The following GPR139 variants were observed in gnomAD, a reference collection of about 807,000 sequenced individuals.
The protein encoded by GPR139 is probable G protein-coupled receptor 139.
In GPR139, 12 loss-of-function variants were observed where a neutral mutation model predicts 25.8. That is an observed-to-expected ratio of 0.47 (90% CI 0.30 to 0.75). The LOEUF (loss-of-function observed/expected upper bound fraction) is 0.75, where lower values mean the gene tolerates loss of function less well. Ranked by LOEUF, GPR139 falls within the 30% of genes least tolerant of loss-of-function variation. The probability of loss-of-function intolerance (pLI) is 0.07; values close to 1 mark genes in which losing one functional copy is unlikely to be tolerated. For missense variants in GPR139, 380 were observed against 450.2 expected (o/e 0.84, Z 1.41); for synonymous variants, 184 against 179.9 (o/e 1.02, Z -0.18).
rs1205828938 is a variant in GPR139 at position 20,052,505 on chromosome 16, A to G, written c.128-19836T>C. 3.3e-5 allele frequency among the ~76,000 whole-genome samples: 5 copies of G among 152,234 alleles called. No homozygotes were observed. In the East Asian group the frequency reaches 9.6e-4, roughly 29 times the overall value. Reference sequence around the variant, plus strand: ...AGAAGGGAAGTAATCTTTATAATAAAAAATAATAGCGGCTGGGCGCGGTGG... The same window carrying G: ...AGAAGGGAAGTAATCTTTATAATAAGAAATAATAGCGGCTGGGCGCGGTGG... On this transcript the variant is annotated intron_variant, in intron 1 of 1. Transcript: ENST00000570682.
At chr16:20,059,721 A>C (rs1437595445) in intron 1 of GPR139, among the ~76,000 whole-genome samples, 1 of 152,200 alleles carries the variant, frequency 6.6e-6, no homozygotes, top group Non-Finnish European at 1.5e-5. Context: ...GGCACATGAC[A>C]GGGGCTCATG....
At position 20,031,348 on chromosome 16, in the gene GPR139, A is replaced by T; in HGVS notation, c.*387T>A. ...TCGGAAGAAGAGTGCAGGCTCAGCT[A>T]TGTGCTACTGGGGCTTGGTAAGTCC... is the stretch of plus-strand genomic sequence containing the variant. On this transcript the variant is annotated 3_prime_UTR_variant, in exon 2 of 2. Transcript: ENST00000570682. 1 of 223,646 alleles carries T rather than the reference A, an allele frequency of 4.5e-6. No individual in the cohort carries two copies. The highest frequency in any genetic ancestry group is 8.9e-6 in the Non-Finnish European group (1 of 112,914). 13.9% of individuals were successfully genotyped at this position (223,646 alleles called of 1,614,324 possible).
intron 1 of GPR139, among the ~76,000 whole-genome samples, chr16:20,044,589 A>G (rs2057347427): frequency 6.6e-6 from 1 of 152,186 alleles, no homozygotes; most frequent in Admixed American, 6.5e-5. Flanking sequence ...GCGTGAAAGA[A>G]GAGATCCCTA....
intron 1 of GPR139, among the ~76,000 whole-genome samples, chr16:20,057,641 C>T (rs1191578083): frequency 1.3e-5 from 2 of 151,912 alleles, no homozygotes; most frequent in Non-Finnish European, 2.9e-5. Flanking sequence ...TCCATCCATC[C>T]AATACCTACC....
intron 1 of GPR139, among the ~76,000 whole-genome samples, chr16:20,058,999 A>G (rs2057401182): frequency 6.6e-6 from 1 of 152,084 alleles, no homozygotes; most frequent in Non-Finnish European, 1.5e-5. Context: ...TGGGCTGTCT[A>G]TATTTTATGT....
intron 1 of GPR139, among the ~76,000 whole-genome samples, chr16:20,058,481 G>T (rs1312746160): frequency 1.3e-5 from 2 of 152,138 alleles, no homozygotes; most frequent in Non-Finnish European, 2.9e-5. Context: ...CTTTGTGTTG[G>T]TGGAGGGAAT....
chr16:20,032,435 G>T lies in GPR139; in HGVS notation c.362C>A (p.Pro121Gln), dbSNP rs761281280. 1 of 1,614,146 alleles carries T rather than the reference G, an allele frequency of 6.2e-7. No individual in the cohort carries two copies. The highest frequency in any genetic ancestry group is 1.1e-5 in the South Asian group (1 of 91,076). The stretch of plus-strand genomic sequence containing the variant: ...AGCGATATACCTGTCAATGGTTAAC[G>T]GTACAGTAATCCATATGGAGGTGTG... Reference protein sequence around the residue: ...SIHTSIWITVPLTIDRYIAVC... With the variant: ...SIHTSIWITVQLTIDRYIAVC... The change falls in exon 2 of 2, where the codon CCG (proline) becomes CAG (glutamine). Residue 121 changes from proline (P) to glutamine (Q), a missense_variant. Coordinates refer to ENST00000570682, the MANE Select transcript of GPR139 (RefSeq NM_001002911.4).
In GPR139 at chr16:20,050,368, C is replaced by T. The variant is rs142070519; in HGVS notation, c.128-17699G>A. Among the ~76,000 whole-genome samples, 43 of 152,256 alleles carry T rather than the reference C, an allele frequency of 2.8e-4. No individual in the cohort carries two copies. The East Asian group carries it at 6.6e-3, about 23-fold the overall frequency. On this transcript the variant is annotated intron_variant, in intron 1 of 1. Coordinates refer to ENST00000570682, the MANE Select transcript of GPR139 (RefSeq NM_001002911.4). ...TCAGCATAGAATAGAGGTCACAGACCGACTGCTTGTGGGGTGCATTCTTTG... is the reference window on the plus strand; with the variant it reads ...TCAGCATAGAATAGAGGTCACAGACTGACTGCTTGTGGGGTGCATTCTTTG...
At chr16:20,060,982 C>T (rs1351210940) in intron 1 of GPR139, among the ~76,000 whole-genome samples, 4 of 152,114 alleles carry the variant, frequency 2.6e-5, no homozygotes, top group Non-Finnish European at 1.5e-5. Context: ...TCTCACAGCA[C>T]CAAGTAGCTC....
At chr16:20,045,149 G>A (rs936074724) in intron 1 of GPR139, among the ~76,000 whole-genome samples, 1 of 151,954 alleles carries the variant, frequency 6.6e-6, no homozygotes, top group Non-Finnish European at 1.5e-5. Flanking sequence ...ACAGGCATCT[G>A]CCACCACGCT....
rs1014006036 is a variant in GPR139, at chr16:20,028,976, T to TA, written c.*2758dup. Among the ~76,000 whole-genome samples the TA allele has an allele frequency of 7.9e-5, 12 of 151,902 alleles. No individual in the cohort carries two copies. Among genetic ancestry groups the TA allele is most frequent in the East Asian group, 1.9e-4 (1 of 5,164 alleles). ...TTACAAGTTTTTAAAGTTTTAAAGTTAAAAAAAACCCATTTCATGATGTCC... is the reference window on the plus strand; with the variant it reads ...TTACAAGTTTTTAAAGTTTTAAAGTTAAAAAAAAACCCATTTCATGATGTCC... On this transcript the variant is annotated 3_prime_UTR_variant, in exon 2 of 2. Coordinates refer to ENST00000570682, the MANE Select transcript of GPR139 (RefSeq NM_001002911.4).
At chr16:20,067,264 G>T (rs2141215550) in intron 1 of GPR139, among the ~76,000 whole-genome samples, 1 of 152,290 alleles carries the variant, frequency 6.6e-6, no homozygotes, top group African/African-American at 2.4e-5. Context: ...CTATGCTCAT[G>T]TCCTGTCCAT....
At chr16:20,067,996 T>C (rs1225010251) in intron 1 of GPR139, among the ~76,000 whole-genome samples, 1 of 151,570 alleles carries the variant, frequency 6.6e-6, no homozygotes, top group Non-Finnish European at 1.5e-5. Flanking sequence ...ATGTGCTCAT[T>C]TTAGGGACAG....
At position 20,030,659 on chromosome 16, in the gene GPR139, T is replaced by C. The variant is rs2141198461; in HGVS notation, c.*1076A>G. 6.6e-6 allele frequency among the ~76,000 whole-genome samples: 1 copy of C among 152,384 alleles called. No homozygotes were observed. Among genetic ancestry groups the C allele is most frequent in the Non-Finnish European group, 1.5e-5 (1 of 68,046 alleles). On this transcript the variant is annotated 3_prime_UTR_variant, in exon 2 of 2. Coordinates refer to ENST00000570682, the MANE Select transcript of GPR139 (RefSeq NM_001002911.4). ...GGCGTCAGCATGGGCACCTTTTGTG[T>C]CTGCGTTTGTGGCGAAATGGCAGCG...
chr16:20,045,454 G>T (rs1054242281), intron 1 of GPR139, among the ~76,000 whole-genome samples: 1 of 152,206 alleles, frequency 6.6e-6, no homozygotes, highest in African/African-American at 2.4e-5. Context: ...AAAACAATTT[G>T]TTAGACTCTA....
rs2057466585 is a variant in GPR139 at position 20,073,262 on chromosome 16, A to G, written c.127+228T>C. On this transcript the variant is annotated intron_variant, in intron 1 of 1. Transcript: ENST00000570682. This position sits in a 1 kb window ranked among gnomAD's most constrained non-coding sequence, Gnocchi z 4.7. ...CCGCCGTCACAGTCATCACACACACACACACACACACACACACGCTCGCGC... is the reference window on the plus strand; with the variant it reads ...CCGCCGTCACAGTCATCACACACACGCACACACACACACACACGCTCGCGC... Among the ~76,000 whole-genome samples the G allele has an allele frequency of 1.4e-5, 2 of 143,868 alleles. 1 individual carries two copies. Among genetic ancestry groups the G allele is most frequent in the East Asian group, 4.2e-4 (2 of 4,718 alleles). 94.4% of individuals were successfully genotyped at this position (143,868 alleles called of 152,430 possible).
intron 1 of GPR139, among the ~76,000 whole-genome samples, chr16:20,045,769 C>G (rs2057352383): frequency 1.3e-5 from 2 of 152,144 alleles, no homozygotes; most frequent in Non-Finnish European, 2.9e-5. Flanking sequence ...CTGCCCATTG[C>G]CCCTTTTCAA....
At chr16:20,037,340 T>G (rs1216992168) in intron 1 of GPR139, among the ~76,000 whole-genome samples, 2 of 151,336 alleles carry the variant, frequency 1.3e-5, no homozygotes, top group Non-Finnish European at 2.9e-5. Flanking sequence ...TAATCGCAGC[T>G]ACTCGGGAGG....
At chr16:20,069,163 A>G (rs2141216489) in intron 1 of GPR139, among the ~76,000 whole-genome samples, 1 of 147,866 alleles carries the variant, frequency 6.8e-6, no homozygotes, top group East Asian at 2.0e-4. Context: ...TTTTTAAATG[A>G]TGAAAAAATA....
Sources: gnomAD v4.1 joint callset for allele counts (sites outside exome capture counted in the v4.1 genomes callset) on GRCh38, gnomAD v4.1.1 for gene constraint, Gnocchi (gnomAD v3.1) non-coding constraint, MANE v1.5 for transcripts, NCBI Gene and HGNC (gene_info 2026-07-23, HGNC 2026-07-21) for gene names.